EPC1: variants seen among roughly 807,000 people sequenced by gnomAD.
The protein encoded by EPC1 is enhancer of polycomb 1.
In EPC1, 12 loss-of-function variants were observed where a neutral mutation model predicts 98.4. That is an observed-to-expected ratio of 0.12 (90% CI 0.08 to 0.20). EPC1 has a LOEUF of 0.20. Ranked by LOEUF, EPC1 falls within the 10% of genes least tolerant of loss-of-function variation. EPC1 has a pLI of 1.00. For missense variants in EPC1, 729 were observed against 990.5 expected, an observed-to-expected ratio of 0.74 and a Z score of 3.54; for synonymous variants, 357 against 363.9, an observed-to-expected ratio of 0.98 and a Z score of 0.21.
intron 2 of EPC1, 97 bp from the exon 3 acceptor site, chr10:32,293,834 G>T: frequency 1.8e-6 from 2 of 1,129,960 alleles, no homozygotes; most frequent in Non-Finnish European, 1.2e-6. Flanking sequence ...ACTTTCTAAA[G>T]AAATAAGAAA....
intron 1 of EPC1, among the ~76,000 whole-genome samples, chr10:32,360,414 G>C (rs1839409770): frequency 6.6e-6 from 1 of 152,192 alleles, no homozygotes; most frequent in Non-Finnish European, 1.5e-5. Flanking sequence ...GGTTGCTACT[G>C]TTTGCCTCAG....
At chr10:32,358,261 A>C (rs1839337400) in intron 1 of EPC1, among the ~76,000 whole-genome samples, 1 of 152,200 alleles carries the variant, frequency 6.6e-6, no homozygotes, top group Non-Finnish European at 1.5e-5. Flanking sequence ...TTTACTTAAG[A>C]ATTACCCTCT....
intron 10 of EPC1, chr10:32,282,454 G>A (rs1836458844): frequency 6.6e-6 from 1 of 152,276 alleles, no homozygotes; most frequent in Admixed American, 6.5e-5. Flanking sequence ...GGGAAGTTGA[G>A]GCTGCAGTGA....
rs1839920050 is a variant in EPC1 at position 32,378,697 on chromosome 10, G to A, written c.-204C>T. ...TCCCCCAGGATCTGTGGGCTTTTGG[G>A]GGAAATCGGAGAAATATCCACAGAA... On this transcript the variant is annotated 5_prime_UTR_variant, in exon 1 of 14. Transcript: ENST00000375110. 5 of 490,668 alleles carry A rather than the reference G, an allele frequency of 1.0e-5. No individual in the cohort carries two copies. In the Admixed American group the frequency reaches 1.1e-4, roughly 11 times the overall value. 30.4% of individuals were successfully genotyped at this position (490,668 alleles called of 1,614,324 possible).
intron 1 of EPC1, among the ~76,000 whole-genome samples, chr10:32,318,863 G>C (rs1398247323): frequency 6.6e-6 from 1 of 152,108 alleles, no homozygotes; most frequent in African/African-American, 2.4e-5. Flanking sequence ...CTAAGAGTTT[G>C]ACCAAGTCAA....
At chr10:32,325,786 G>GT (rs111699361) in intron 1 of EPC1, among the ~76,000 whole-genome samples, 96,574 of 149,346 alleles carry the variant, frequency 0.65, 31,641 homozygotes, top group Middle Eastern at 0.77. Context: ...GTTTTTTGGT[G>GT]TTTTTTTTTT....
At chr10:32,342,593 G>T (rs887383302) in intron 1 of EPC1, among the ~76,000 whole-genome samples, 1 of 152,184 alleles carries the variant, frequency 6.6e-6, no homozygotes, top group Admixed American at 6.5e-5. Flanking sequence ...GATTATGGTG[G>T]TTAGATCCTA....
chr10:32,377,614 T>C (rs1839895664), intron 1 of EPC1, among the ~76,000 whole-genome samples: 2 of 152,074 alleles, frequency 1.3e-5, no homozygotes, highest in African/African-American at 4.8e-5. Flanking sequence ...ATAACACAAC[T>C]GAATACTTCC....
chr10:32,305,933 T>A lies in EPC1; in HGVS notation c.154-2A>T, dbSNP rs1469311308. ...AATAGCCCGCTGAAGATGATGTTCCTAAAAAGAAGAAAAAACAGGTAAGTT... is the reference window on the plus strand; with the variant it reads ...AATAGCCCGCTGAAGATGATGTTCCAAAAAAGAAGAAAAAACAGGTAAGTT... On this transcript the variant is annotated splice_acceptor_variant, in intron 1 of 13. Transcript: ENST00000319778. LOFTEE classifies it high-confidence loss of function. 2 of 1,592,190 alleles carry A rather than the reference T, an allele frequency of 1.3e-6. No homozygotes were observed. The highest frequency in any genetic ancestry group is 8.5e-7 in the Non-Finnish European group (1 of 1,172,922).
chr10:32,283,741 G>A (rs1352086445), intron 10 of EPC1: 1 of 152,158 alleles, frequency 6.6e-6, no homozygotes, highest in Non-Finnish European at 1.5e-5. Context: ...TATGTTATTG[G>A]TAATTCTGGT....
At chr10:32,280,323 G>C (rs997512323) in intron 10 of EPC1, among the ~76,000 whole-genome samples, 1 of 151,700 alleles carries the variant, frequency 6.6e-6, no homozygotes, top group South Asian at 2.1e-4. Context: ...GTGGTGGTGC[G>C]CACCTGTAAT....
intron 10 of EPC1, among the ~76,000 whole-genome samples, chr10:32,274,887 TA>T (rs899319953): frequency 2.6e-5 from 4 of 152,056 alleles, no homozygotes; most frequent in African/African-American, 9.7e-5. Context: ...TTCTCATGTT[TA>T]AAAAAAATCC....
intron 2 of EPC1, among the ~76,000 whole-genome samples, chr10:32,302,342 A>C (rs1649396180): frequency 6.6e-6 from 1 of 151,300 alleles, no homozygotes; most frequent in Admixed American, 6.6e-5. Context: ...TAAGACACCC[A>C]TCCCATAGAA....
chr10:32,297,127 C>G (rs1835214516), intron 2 of EPC1, among the ~76,000 whole-genome samples: 1 of 151,952 alleles, frequency 6.6e-6, no homozygotes, highest in Non-Finnish European at 1.5e-5. Context: ...AAATATTCAT[C>G]ATGTTCCTAG....
chr10:32,345,300 T>C, intron 1 of EPC1: 2 of 985,418 alleles, frequency 2.0e-6, no homozygotes, highest in Non-Finnish European at 2.4e-6. Context: ...TCTGTAAAGT[T>C]AGATTTAAGA....
At chr10:32,373,563 G>A (rs557348036) in intron 1 of EPC1, among the ~76,000 whole-genome samples, 1 of 152,274 alleles carries the variant, frequency 6.6e-6, no homozygotes, top group Non-Finnish European at 1.5e-5. Context: ...GACTGGTTTA[G>A]GTATAAGCAC....
chr10:32,286,946 C>T lies in EPC1; in HGVS notation c.1222G>A (p.Ala408Thr). ...PDGPFAFRRKAGCQYYAPHLD... is the reference protein window; with the variant it reads ...PDGPFAFRRKTGCQYYAPHLD... ...CTTACAGCATAGTACTGACAGCCTG[C>T]TTTCCTACGGAAAGCAAAAGGACCA... is the stretch of plus-strand genomic sequence containing the variant. The change falls in exon 8 of 14, where the codon GCA (alanine) becomes ACA (threonine). Residue 408 changes from alanine to threonine, a missense_variant. Ala to Thr is a moderately conservative substitution (Grantham distance 58, BLOSUM62 0). Coordinates refer to ENST00000319778, the MANE Select transcript of EPC1 (RefSeq NM_001272004.3). 1 of 1,613,694 alleles carries T rather than the reference C, an allele frequency of 6.2e-7. No individual in the cohort carries two copies. The highest frequency in any genetic ancestry group is 8.5e-7 in the Non-Finnish European group (1 of 1,179,892).
intron 13 of EPC1, among the ~76,000 whole-genome samples, chr10:32,271,146 C>G (rs1286877476): frequency 6.6e-6 from 1 of 152,040 alleles, no homozygotes; most frequent in African/African-American, 2.4e-5. Flanking sequence ...CATGCGCCAC[C>G]ATGCCCGGGT....
intron 9 of EPC1, chr10:32,285,295 A>G (rs765818335): frequency 1.2e-5 from 5 of 403,098 alleles, no homozygotes; most frequent in African/African-American, 2.1e-5. Flanking sequence ...ACCAAAATGA[A>G]TGCTTTATAA....
Sources: gnomAD v4.1 joint callset for allele counts (sites outside exome capture counted in the v4.1 genomes callset) on GRCh38, gnomAD v4.1.1 for gene constraint, MANE v1.5 for transcripts, NCBI Gene and HGNC (gene_info 2026-07-23, HGNC 2026-07-21) for gene names.